Variants in FABP7 observed in about 807,000 individuals in gnomAD.
FABP7 encodes the protein fatty acid-binding protein, brain.
FABP7 carries 13 observed loss-of-function variants against 14.2 expected under a neutral mutation model. The observed-to-expected ratio is 0.91, with a 90% CI of 0.59 to 1.45. FABP7 has a LOEUF of 1.45. Ranked by LOEUF, FABP7 falls within the 40% of genes most tolerant of loss-of-function variation. The pLI is 0.00. For synonymous variants in FABP7, 49 were observed against 51.4 expected, an observed-to-expected ratio of 0.95 and a Z score of 0.20; for missense variants, 149 against 157.6, an observed-to-expected ratio of 0.95 and a Z score of 0.29.
chr6:122,772,799 C>T, the FABP7 span, among the ~76,000 whole-genome samples: 3 of 152,158 alleles, frequency 2.0e-5, no homozygotes, highest in South Asian at 6.2e-4. Flanking sequence ...TTTTCCTACC[C>T]CCACACCTCT....
At chr6:122,777,604 T>C (rs1382064950), upstream of FABP7, among the ~76,000 whole-genome samples, 1 of 152,166 alleles carries the variant, frequency 6.6e-6, no homozygotes, top group Non-Finnish European at 1.5e-5. Flanking sequence ...ATTAGGCCAT[T>C]CATCTTGCCA....
chr6:122,753,783 C>CA, the FABP7 span, among the ~76,000 whole-genome samples: 3 of 76,904 alleles, frequency 3.9e-5, no homozygotes, highest in East Asian at 4.6e-4. Flanking sequence ...GTCCAAATCC[C>CA]GCCCCCCCCC....
At chr6:122,749,509 A>G in the FABP7 span, among the ~76,000 whole-genome samples, 8 of 152,186 alleles carry the variant, frequency 5.3e-5, no homozygotes, top group African/African-American at 1.9e-4. Flanking sequence ...TTTGTTTCTT[A>G]AGGTCCGATG....
the FABP7 span, among the ~76,000 whole-genome samples, chr6:122,771,489 AT>A: frequency 2.0e-5 from 3 of 152,218 alleles, no homozygotes. Flanking sequence ...AAAGTTCTTG[AT>A]TGATTTACAA....
chr6:122,756,439 A>G, the FABP7 span, among the ~76,000 whole-genome samples: 1 of 152,150 alleles, frequency 6.6e-6, no homozygotes, highest in African/African-American at 2.4e-5. Flanking sequence ...ACCCAATTAA[A>G]AAGGACTTCC....
At chr6:122,776,415 G>C (rs1454605024), upstream of FABP7, among the ~76,000 whole-genome samples, 1 of 152,078 alleles carries the variant, frequency 6.6e-6, no homozygotes, top group Non-Finnish European at 1.5e-5. Context: ...AATAAGCCAT[G>C]CAGAGAAAGA....
At chr6:122,781,550 A>G (rs2115145939) in intron 3 of FABP7, 1 of 1,269,856 alleles carries the variant, frequency 7.9e-7, no homozygotes, top group Non-Finnish European at 1.0e-6. Flanking sequence ...TCACTGAAAT[A>G]TATAAAGATA....
upstream of FABP7, chr6:122,779,513 G>A: frequency 2.2e-6 from 1 of 456,694 alleles, no homozygotes; most frequent in Non-Finnish European, 4.0e-6. Context: ...GGATTGGGAG[G>A]AACTCGACCT....
At chr6:122,783,086 G>C in intron 3 of FABP7, 1 of 985,348 alleles carries the variant, frequency 1.0e-6, no homozygotes, top group Non-Finnish European at 1.2e-6. Context: ...AAAACCATGA[G>C]CACCAAAACC....
At chr6:122,779,924 A>C (rs1780741190) in intron 1 of FABP7, 57 bp downstream of exon 1, 2 of 1,544,278 alleles carry the variant, frequency 1.3e-6, no homozygotes, top group East Asian at 2.2e-5. Flanking sequence ...AGATATTTGC[A>C]GATTCCATTT....
At chr6:122,762,184 T>A in the FABP7 span, among the ~76,000 whole-genome samples, 1 of 152,168 alleles carries the variant, frequency 6.6e-6, no homozygotes, top group Non-Finnish European at 1.5e-5. Flanking sequence ...TCAAAAAGCG[T>A]ATCCACCATG....
At chr6:122,767,208 C>T in the FABP7 span, among the ~76,000 whole-genome samples, 3 of 151,768 alleles carry the variant, frequency 2.0e-5, no homozygotes, top group Non-Finnish European at 4.4e-5. Context: ...GATATGATTC[C>T]AATGTAAAAA....
At chr6:122,753,270 G>C in the FABP7 span, among the ~76,000 whole-genome samples, 2 of 152,196 alleles carry the variant, frequency 1.3e-5, no homozygotes, top group Non-Finnish European at 2.9e-5. Context: ...GGGCTCTAAA[G>C]ATAATTTTCA....
At chr6:122,749,776 C>T in the FABP7 span, among the ~76,000 whole-genome samples, 72 of 152,258 alleles carry the variant, frequency 4.7e-4, no homozygotes, top group Non-Finnish European at 8.5e-4. Context: ...ATTAACTTGT[C>T]AAATGATTTC....
At chr6:122,767,834 G>C in the FABP7 span, among the ~76,000 whole-genome samples, 3 of 151,454 alleles carry the variant, frequency 2.0e-5, no homozygotes, top group East Asian at 5.8e-4. Context: ...TTGGACCTTG[G>C]GTAGGTGGTT....
the FABP7 span, among the ~76,000 whole-genome samples, chr6:122,755,825 C>G: frequency 6.6e-6 from 1 of 152,086 alleles, no homozygotes; most frequent in Non-Finnish European, 1.5e-5. Context: ...GACCAGCAGA[C>G]CCCAGCCAAA....
Position 122,783,719 on chromosome 6 carries a change from C to T in FABP7, c.351C>T (p.Thr117=). ...REIKDGKMVM[T]LTFGDVVAVR... is the part of the protein sequence containing the mutation. ...TGATTATCTTTTGAACCTTGCAGAC[C>T]CTTACTTTTGGTGATGTGGTTGCTG... The change falls in exon 4 of 4, where the codon ACC becomes ACT. Residue 117 remains threonine (T), a splice_region_variant and synonymous_variant. Coordinates refer to ENST00000368444, the MANE Select transcript of FABP7 (RefSeq NM_001446.5). 6.2e-7 allele frequency: 1 copy of T among 1,602,880 alleles called. No homozygotes were observed. Among genetic ancestry groups the T allele is most frequent in the Non-Finnish European group, 8.5e-7 (1 of 1,176,638 alleles).
intron 3 of FABP7, chr6:122,782,727 G>A (rs1780823432): frequency 2.0e-6 from 2 of 985,370 alleles, no homozygotes; most frequent in East Asian, 2.3e-4. Context: ...GGGGACTCAT[G>A]TTTCCTTCTC....
upstream of FABP7, among the ~76,000 whole-genome samples, chr6:122,777,650 C>A (rs1780697707): frequency 6.6e-6 from 1 of 151,988 alleles, no homozygotes; most frequent in African/African-American, 2.4e-5. Context: ...ACATTTATGT[C>A]CAGCCTGGGC....
Sources: gnomAD v4.1 joint callset for allele counts (sites outside exome capture counted in the v4.1 genomes callset) on GRCh38, gnomAD v4.1.1 for gene constraint, MANE v1.5 for transcripts, NCBI Gene and HGNC (gene_info 2026-07-23, HGNC 2026-07-21) for gene names.